The following PCDHGB2 variants were observed in gnomAD, a reference collection of about 807,000 sequenced individuals.
PCDHGB2 encodes the protein protocadherin gamma-B2.
In PCDHGB2, 55 loss-of-function variants were observed where a neutral mutation model predicts 59.3. That is an observed-to-expected ratio of 0.93 (90% confidence interval 0.75 to 1.16). The LOEUF is 1.16. PCDHGB2 is among the 50% of genes most tolerant of loss of function. The probability of loss-of-function intolerance (pLI) is 0.00; values close to 1 mark genes in which losing one functional copy is unlikely to be tolerated. For synonymous variants in PCDHGB2, 516 were observed against 512.0 expected (o/e 1.01, Z -0.11); for missense variants, 1,228 against 1,198.5 (o/e 1.02, Z -0.36).
At chr5:141,385,981 A>G (rs2090416620) in intron 1 of PCDHGB2, 1 of 152,244 alleles carries the variant, frequency 6.6e-6, no homozygotes, top group Non-Finnish European at 1.5e-5. Flanking sequence ...AACCAATAAA[A>G]TATGTCAAAT....
chr5:141,414,469 G>T (rs944183814), intron 1 of PCDHGB2: 1 of 1,613,742 alleles, frequency 6.2e-7, no homozygotes, highest in African/African-American at 1.3e-5. Context: ...CACAGATGGG[G>T]GAAGTCCTCC....
chr5:141,490,180 C>T lies in PCDHGB2; in HGVS notation c.2422-4627C>T, dbSNP rs747366205. On this transcript the variant is annotated intron_variant, in intron 1 of 3. Coordinates refer to ENST00000522605, the MANE Select transcript of PCDHGB2 (RefSeq NM_018923.3). This position sits in a 1 kb window ranked among gnomAD's most constrained non-coding sequence, Gnocchi z 5.4. ...GGGTCCCATAGACTTTGAGGAGTCACGTTTCTATGAAATTCATGCAAGAGC... is the reference window on the plus strand; with the variant it reads ...GGGTCCCATAGACTTTGAGGAGTCATGTTTCTATGAAATTCATGCAAGAGC... 3 of 1,614,208 alleles carry T rather than the reference C, an allele frequency of 1.9e-6. No individual in the cohort carries two copies. Among genetic ancestry groups the T allele is most frequent in the East Asian group, 2.2e-5 (1 of 44,882 alleles).
chr5:141,383,085 C>T (rs773972778), intron 1 of PCDHGB2: 1 of 1,613,744 alleles, frequency 6.2e-7, no homozygotes, highest in Non-Finnish European at 8.5e-7. Flanking sequence ...TGGCGGAGCG[C>T]GGAGTCCGCA....
At position 141,366,991 on chromosome 5, in the gene PCDHGB2, A is replaced by G. The variant is rs1764892123; in HGVS notation, c.2421+4435A>G. The G allele has an allele frequency of 1.3e-5, 6 of 477,098 alleles. No individual in the cohort carries two copies. The South Asian group carries it at 2.2e-4, about 18-fold the overall frequency. 29.6% of individuals were successfully genotyped at this position (477,098 alleles called of 1,614,324 possible). A position where few individuals can be genotyped will look rare whatever the true frequency, so the allele number is the denominator to read the frequency against. Reference sequence around the variant, plus strand: ...AAATACCTTAAAGGAAAGTGGTTAAATATAATCATTTTACCCAAATATTTT... The same window carrying G: ...AAATACCTTAAAGGAAAGTGGTTAAGTATAATCATTTTACCCAAATATTTT... On this transcript the variant is annotated intron_variant, in intron 1 of 3. Coordinates refer to ENST00000522605, the MANE Select transcript of PCDHGB2 (RefSeq NM_018923.3).
At chr5:141,394,748 C>T (rs960054108) in intron 1 of PCDHGB2, 1 of 1,613,414 alleles carries the variant, frequency 6.2e-7, no homozygotes, top group Non-Finnish European at 8.5e-7. Context: ...TCGTGGTGGC[C>T]GTCCAGGACC....
At chr5:141,375,564 A>G (rs1771592295) in intron 1 of PCDHGB2, 3 of 1,613,974 alleles carry the variant, frequency 1.9e-6, no homozygotes, top group African/African-American at 1.3e-5. Flanking sequence ...CTGGCAGAAG[A>G]CACCCTCCAG....
At chr5:141,390,466 G>C (rs753916175) in intron 1 of PCDHGB2, 7 of 711,916 alleles carry the variant, frequency 9.8e-6, no homozygotes, top group Admixed American at 3.0e-5. Context: ...AGGAGCAATT[G>C]TGTGGCCCAA....
Position 141,476,472 on chromosome 5 carries a change from T to C in PCDHGB2, c.2422-18335T>C. On this transcript the variant is annotated intron_variant, in intron 1 of 3. Coordinates refer to ENST00000522605, the MANE Select transcript of PCDHGB2 (RefSeq NM_018923.3). The surrounding 1 kb of genome is among the most constrained non-coding windows in gnomAD (Gnocchi z 7.6). The stretch of plus-strand genomic sequence containing the variant: ...GTAGTGGAGAACCCGCTGGAGCTGT[T>C]CAGCGTGGAAGTGGTGATCCAGGAC... 1 of 1,614,098 alleles carries C rather than the reference T, an allele frequency of 6.2e-7. No homozygotes were observed. The highest frequency in any genetic ancestry group is 8.5e-7 in the Non-Finnish European group (1 of 1,180,024).
rs377248872 is a variant in PCDHGB2 at position 141,489,231 on chromosome 5, C to T, written c.2422-5576C>T. 2 of 1,528,166 alleles carry T rather than the reference C, an allele frequency of 1.3e-6. No homozygotes were observed. The highest frequency in any genetic ancestry group is 1.4e-5 in the African/African-American group (1 of 72,140). The allele number at this position is 1,528,166 out of a possible 1,614,324, so 94.7% of individuals were successfully genotyped here. A position where few individuals can be genotyped will look rare whatever the true frequency, so the allele number is the denominator to read the frequency against. On this transcript the variant is annotated intron_variant, in intron 1 of 3. Transcript: ENST00000522605. This position sits in a 1 kb window ranked among gnomAD's most constrained non-coding sequence, Gnocchi z 4.5. ...CACAGACTTACTCTCCACAAAGGGA[C>T]TTCTGGGTCATGGGGCCCAAGACAC...
chr5:141,374,409 T>C (rs1392651465), intron 1 of PCDHGB2: 24 of 1,613,920 alleles, frequency 1.5e-5, no homozygotes, highest in Non-Finnish European at 1.9e-5. Context: ...TTTAACATCC[T>C]TGTCGAGGAT....
intron 1 of PCDHGB2, chr5:141,415,585 C>T: frequency 6.2e-7 from 1 of 1,613,900 alleles, no homozygotes; most frequent in Non-Finnish European, 8.5e-7. Context: ...TTCGAAGTTT[C>T]CTATAGAGGA....
intron 1 of PCDHGB2, among the ~76,000 whole-genome samples, chr5:141,470,572 A>G (rs1349952470): frequency 6.6e-6 from 1 of 152,208 alleles, no homozygotes; most frequent in Non-Finnish European, 1.5e-5. Flanking sequence ...GCCAAGCAGG[A>G]TCAACTTCAT....
At chr5:141,497,018 A>G (rs988584487) in intron 2 of PCDHGB2, among the ~76,000 whole-genome samples, 1 of 152,084 alleles carries the variant, frequency 6.6e-6, no homozygotes, top group Non-Finnish European at 1.5e-5. Flanking sequence ...GTGAAACCCC[A>G]TCTCGATTAA....
intron 1 of PCDHGB2, chr5:141,405,157 G>T: frequency 6.2e-7 from 1 of 1,614,072 alleles, no homozygotes. Context: ...TGGCTGGTGT[G>T]CCCACCTCAC....
At chr5:141,422,597 C>T in intron 1 of PCDHGB2, 1 of 1,614,102 alleles carries the variant, frequency 6.2e-7, no homozygotes, top group Non-Finnish European at 8.5e-7. Context: ...CCTCACTCCT[C>T]TTACTCTGCC....
intron 1 of PCDHGB2, among the ~76,000 whole-genome samples, chr5:141,463,721 C>T (rs1012411825): frequency 1.3e-5 from 2 of 152,046 alleles, no homozygotes; most frequent in Non-Finnish European, 2.9e-5. Flanking sequence ...GCTGGGATTA[C>T]AGGCATGAGC....
intron 1 of PCDHGB2, chr5:141,415,379 G>T: frequency 3.7e-6 from 6 of 1,614,250 alleles, no homozygotes; most frequent in Non-Finnish European, 3.4e-6. Flanking sequence ...TCAGGAGGCG[G>T]CTTGACAGGT....
At position 141,487,425 on chromosome 5, in the gene PCDHGB2, G is replaced by A. The variant is rs116499036; in HGVS notation, c.2422-7382G>A. ...CTTCCCCCTTCCAATGGGATCCTCCGAATCCAGCTAGGGTCAGATGACCCT... is the reference window on the plus strand; with the variant it reads ...CTTCCCCCTTCCAATGGGATCCTCCAAATCCAGCTAGGGTCAGATGACCCT... On this transcript the variant is annotated intron_variant, in intron 1 of 3. Coordinates refer to ENST00000522605, the MANE Select transcript of PCDHGB2 (RefSeq NM_018923.3). This position sits in a 1 kb window ranked among gnomAD's most constrained non-coding sequence, Gnocchi z 5.0. The A allele has an allele frequency of 1.1e-5, 17 of 1,613,988 alleles. No individual in the cohort carries two copies. The highest frequency in any genetic ancestry group is 1.6e-4 in the Middle Eastern group (1 of 6,084).
At chr5:141,389,432 C>G in intron 1 of PCDHGB2, 1 of 1,610,650 alleles carries the variant, frequency 6.2e-7, no homozygotes, top group Non-Finnish European at 8.5e-7. Context: ...TCGCGCAGCG[C>G]GCCTTCGACC....
Sources: allele counts gnomAD v4.1 joint callset (sites outside exome capture counted in the v4.1 genomes callset), GRCh38; gene constraint gnomAD v4.1.1; non-coding constraint Gnocchi (gnomAD v3.1); transcripts MANE v1.5; gene names NCBI Gene and HGNC (gene_info 2026-07-23, HGNC 2026-07-21).